TRIM22: variants seen among roughly 807,000 people sequenced by gnomAD.
TRIM22 encodes tripartite motif containing 22.
TRIM22 carries 45 observed loss-of-function variants against 53.6 expected under a neutral mutation model. That is an observed-to-expected ratio of 0.84 (90% CI 0.66 to 1.08). The LOEUF is 1.08. Among genes scored for constraint, TRIM22 ranks in the 50% least tolerant of loss-of-function variants. The probability of loss-of-function intolerance (pLI) is 0.00; values close to 1 mark genes in which losing one functional copy is unlikely to be tolerated. For synonymous variants in TRIM22, 225 were observed against 216.6 expected, an observed-to-expected ratio of 1.04 and a Z score of -0.34; for missense variants, 616 against 590.9, an observed-to-expected ratio of 1.04 and a Z score of -0.44.
intron 4 of TRIM22, among the ~76,000 whole-genome samples, chr11:5,700,536 G>T (rs531902433): frequency 7.0e-6 from 1 of 143,504 alleles, no homozygotes; most frequent in Non-Finnish European, 1.5e-5. Context: ...ACCTTAGGGG[G>T]AAAGTACTCA....
rs150084384 is a variant in TRIM22 at position 5,700,018 on chromosome 11, GT to G, written c.750+1483del. Among the ~76,000 whole-genome samples the G allele has an allele frequency of 1.8e-3, 266 of 145,480 alleles. 2 individuals carry two copies. Among genetic ancestry groups the G allele is most frequent in the African/African-American group, 6.1e-3 (241 of 39,816 alleles). The stretch of plus-strand genomic sequence containing the variant: ...ATAATTACTTATTAGTCATAGAAGA[GT>G]TTTTTTTTTAATGTCAATTCTTTGG... On this transcript the variant is annotated intron_variant, in intron 4 of 7. Coordinates refer to ENST00000379965, the MANE Select transcript of TRIM22 (RefSeq NM_006074.5).
At position 5,709,792 on chromosome 11, in the gene TRIM22, G is replaced by T. The variant is rs1479647399; in HGVS notation, c.*144G>T. 2 of 727,664 alleles carry T rather than the reference G, an allele frequency of 2.7e-6. No homozygotes were observed. Among genetic ancestry groups the T allele is most frequent in the South Asian group, 3.9e-5 (2 of 51,868 alleles). The allele number at this position is 727,664 out of a possible 1,614,324, so 45.1% of individuals were successfully genotyped here. ...GAATGTCTTTGTATTCATTTGCTAG[G>T]GCTTCCATAGCAAAGCATCATAGAT... On this transcript the variant is annotated 3_prime_UTR_variant, in exon 8 of 8. Coordinates refer to ENST00000379965, the MANE Select transcript of TRIM22 (RefSeq NM_006074.5).
rs577881889 is a variant in TRIM22 at position 5,709,727 on chromosome 11, C to T, written c.*79C>T. 1.0e-3 allele frequency: 1,235 copies of T among 1,186,498 alleles called. 2 individuals carry two copies. Among genetic ancestry groups the T allele is most frequent in the Non-Finnish European group, 1.3e-3 (1,088 of 841,050 alleles). The allele number at this position is 1,186,498 out of a possible 1,614,324, so 73.5% of individuals were successfully genotyped here. ...GATTCTGCACCTGAGTTCATCTCTA[C>T]TGAGACCATCTCTTCCTTTCTTTCC... On this transcript the variant is annotated 3_prime_UTR_variant, in exon 8 of 8. Transcript: ENST00000379965.
At chr11:5,703,530 C>T (rs945273140) in intron 4 of TRIM22, among the ~76,000 whole-genome samples, 5 of 151,950 alleles carry the variant, frequency 3.3e-5, no homozygotes, top group East Asian at 1.9e-4. Flanking sequence ...GGACTACAGG[C>T]GCCTGCAACC....
intron 1 of TRIM22, among the ~76,000 whole-genome samples, chr11:5,694,369 T>C (rs1429344406): frequency 2.0e-5 from 3 of 152,238 alleles, no homozygotes; most frequent in African/African-American, 7.2e-5. Context: ...TATACATCTT[T>C]AGGTTCCTAT....
intron 1 of TRIM22, among the ~76,000 whole-genome samples, chr11:5,690,197 C>A (rs772525523): frequency 3.0e-4 from 46 of 152,166 alleles, no homozygotes; most frequent in African/African-American, 1.1e-3. Flanking sequence ...AGCTCAGAAT[C>A]TTAAGGGAGA....
At chr11:5,703,575 C>T (rs1037576534) in intron 4 of TRIM22, among the ~76,000 whole-genome samples, 1 of 151,668 alleles carries the variant, frequency 6.6e-6, no homozygotes, top group Non-Finnish European at 1.5e-5. Flanking sequence ...TTAGTAGAGA[C>T]GGGGTTTCAC....
chr11:5,696,198 G>C lies in TRIM22; in HGVS notation c.-35G>C, dbSNP rs370096235. 130 of 1,558,278 alleles carry C rather than the reference G, an allele frequency of 8.3e-5. No homozygotes were observed. Among genetic ancestry groups the C allele is most frequent in the Non-Finnish European group, 1.1e-4 (128 of 1,154,108 alleles). ...AGGAGTTTGTGACCAAGAACTTCAA[G>C]AGTCAAGACAGAAGGAAGCCAAGGG... On this transcript the variant is annotated 5_prime_UTR_variant, in exon 2 of 8. Transcript: ENST00000379965.
chr11:5,703,689 T>TA (rs1319317913), intron 4 of TRIM22, among the ~76,000 whole-genome samples: 3 of 67,460 alleles, frequency 4.4e-5, no homozygotes. Flanking sequence ...CCGGAAATTT[T>TA]ATTTTTTTTA....
At chr11:5,699,264 C>G (rs1853323160) in intron 4 of TRIM22, among the ~76,000 whole-genome samples, 1 of 128,376 alleles carries the variant, frequency 7.8e-6, no homozygotes, top group Non-Finnish European at 1.6e-5. Context: ...GTGGCTCACG[C>G]CTGTAATCCC....
Position 5,709,772 on chromosome 11 carries a change from T to G in TRIM22, c.*124T>G. ...CTTTCCCCTTCTTTTACTTAGAATG[T>G]CTTTGTATTCATTTGCTAGGGCTTC... On this transcript the variant is annotated 3_prime_UTR_variant, in exon 8 of 8. Transcript: ENST00000379965. 2 of 869,984 alleles carry G rather than the reference T, an allele frequency of 2.3e-6. No individual in the cohort carries two copies. Among genetic ancestry groups the G allele is most frequent in the Non-Finnish European group, 3.5e-6 (2 of 565,374 alleles). 53.9% of individuals were successfully genotyped at this position (869,984 alleles called of 1,614,324 possible).
rs752660003 is a variant in TRIM22 at position 5,706,633 on chromosome 11, G to C, written c.773+17G>C. ...CATGAAAAGGTATATGTGGAAGAGA[G>C]ATGTGGTCTTATTTGTCTGAAAAGA... is the stretch of plus-strand genomic sequence containing the variant. On this transcript the variant is annotated intron_variant, in intron 5 of 7. Coordinates refer to ENST00000379965, the MANE Select transcript of TRIM22 (RefSeq NM_006074.5). The C allele has an allele frequency of 6.2e-7, 1 of 1,601,894 alleles. No individual in the cohort carries two copies. Among genetic ancestry groups the C allele is most frequent in the Non-Finnish European group, 8.5e-7 (1 of 1,172,218 alleles).
chr11:5,696,929 C>T (rs10838545), intron 2 of TRIM22: 232,275 of 512,014 alleles, frequency 0.45, 54,929 homozygotes, highest in Non-Finnish European at 0.49. Flanking sequence ...CCAAGAAGAA[C>T]AGTATTTTTG....
rs1853331098 is a variant in TRIM22, at chr11:5,699,532, A to G, written c.750+987A>G. 4.1e-4 allele frequency among the ~76,000 whole-genome samples: 6 copies of G among 14,730 alleles called. No individual in the cohort carries two copies. In the Admixed American group the frequency reaches 4.3e-3, roughly 11 times the overall value. The allele number at this position is 14,730 out of a possible 152,430, so 9.7% of individuals were successfully genotyped here. On this transcript the variant is annotated intron_variant, in intron 4 of 7. Transcript: ENST00000379965. ...GGCGACAGAGCGAGACTCCGTCTCA[A>G]AAAAAAAAAAAAAAAAAAAAAAAAA...
chr11:5,708,125 G>A, intron 5 of TRIM22, 48 bp from the exon 6 acceptor site: 1 of 1,444,400 alleles, frequency 6.9e-7, no homozygotes, highest in South Asian at 1.1e-5. Flanking sequence ...CTTGGATGGA[G>A]AGAAATAGGG....
chr11:5,700,772 C>T (rs966048632), intron 4 of TRIM22, among the ~76,000 whole-genome samples: 2 of 151,632 alleles, frequency 1.3e-5, no homozygotes, highest in African/African-American at 2.4e-5. Context: ...GCAGGCCGCC[C>T]ACCACCACAT....
chr11:5,696,074 A>T, intron 1 of TRIM22, 93 bp from the exon 2 acceptor site: 1 of 571,322 alleles, frequency 1.8e-6, no homozygotes. Flanking sequence ...TTTCTCTGTT[A>T]AATATTAATG....
chr11:5,701,897 A>G (rs1358495902), intron 4 of TRIM22, among the ~76,000 whole-genome samples: 1 of 151,996 alleles, frequency 6.6e-6, no homozygotes, highest in Non-Finnish European at 1.5e-5. Flanking sequence ...AGAAAATTAA[A>G]ACGCCTACCA....
At chr11:5,693,189 C>CTTTTTTTTTTTT in intron 1 of TRIM22, among the ~76,000 whole-genome samples, 1 of 125,620 alleles carries the variant, frequency 8.0e-6, no homozygotes. Context: ...GCCTGGCCAT[C>CTTTTTTTTTTTT]TTTTTTTTTT....
Sources: gnomAD v4.1 joint callset for allele counts (sites outside exome capture counted in the v4.1 genomes callset) on GRCh38, gnomAD v4.1.1 for gene constraint, MANE v1.5 for transcripts, NCBI Gene and HGNC (gene_info 2026-07-23, HGNC 2026-07-21) for gene names.